CNTN4: variants seen among roughly 807,000 people sequenced by gnomAD.
CNTN4 encodes contactin-4.
A neutral mutation model predicts 122.5 loss-of-function variants in CNTN4; 77 were observed. The ratio of observed to expected loss-of-function variants is 0.63; its 90% CI spans 0.52 to 0.76. The LOEUF is 0.76. Among genes scored for constraint, CNTN4 ranks in the 30% least tolerant of loss-of-function variants. The pLI is 0.00. For missense variants in CNTN4, 1,256 were observed against 1,259.1 expected (o/e 1.00, Z 0.04); for synonymous variants, 512 against 447.0 (o/e 1.15, Z -1.83).
chr3:2,752,054 A>G (rs963881476), intron 6 of CNTN4, among the ~76,000 whole-genome samples: 1 of 152,164 alleles, frequency 6.6e-6, no homozygotes, highest in African/African-American at 2.4e-5. Context: ...ATCATTTCCA[A>G]CATAGGAAAG....
chr3:2,243,751 C>T (rs531697090), intron 2 of CNTN4, among the ~76,000 whole-genome samples: 1 of 152,122 alleles, frequency 6.6e-6, no homozygotes, highest in African/African-American at 2.4e-5. Flanking sequence ...TTTCTACATG[C>T]ATTATCCTTG....
intron 6 of CNTN4, among the ~76,000 whole-genome samples, chr3:2,790,775 C>G (rs534465508): frequency 1.3e-5 from 2 of 152,172 alleles, no homozygotes; most frequent in African/African-American, 4.8e-5. Context: ...CCATTCATAA[C>G]TTGTGCATTT....
At position 3,043,082 on chromosome 3, in the gene CNTN4, T is replaced by C; in HGVS notation, c.2617T>C (p.Tyr873His). ...KITNLKGSVL[Y>H]HLAVKAYNSA... The stretch of plus-strand genomic sequence containing the variant: ...CACGAACTTAAAAGGCAGTGTGCTG[T>C]ATCACTTAGCTGTCAAGGCATATAA... The change falls in exon 22 of 25, where the codon TAT becomes CAT. Residue 873 changes from tyrosine to histidine, a missense_variant. By Grantham distance (83) the Tyr-to-His change is moderately conservative (BLOSUM62 2). Transcript: ENST00000418658. The C allele has an allele frequency of 6.2e-7, 1 of 1,614,216 alleles. No homozygotes were observed. The highest frequency in any genetic ancestry group is 8.5e-7 in the Non-Finnish European group (1 of 1,180,024).
chr3:3,057,072 T>C lies in CNTN4; in HGVS notation c.*852T>C, dbSNP rs1029671542. 2 of 152,492 alleles carry C rather than the reference T, an allele frequency of 1.3e-5. No individual in the cohort carries two copies. Among genetic ancestry groups the C allele is most frequent in the African/African-American group, 4.8e-5 (2 of 41,448 alleles). The allele number at this position is 152,492 out of a possible 1,614,324, so 9.4% of individuals were successfully genotyped here. A position where few individuals can be genotyped will look rare whatever the true frequency, so the allele number is the denominator to read the frequency against. On this transcript the variant is annotated 3_prime_UTR_variant, in exon 25 of 25. Coordinates refer to ENST00000418658, the MANE Select transcript of CNTN4 (RefSeq NM_175607.3). ...TAGTAACATAGACCCAAAGTTACTATAGTCAACCAAGTCTTTCAAAGGATA... is the reference window on the plus strand; with the variant it reads ...TAGTAACATAGACCCAAAGTTACTACAGTCAACCAAGTCTTTCAAAGGATA...
chr3:2,466,021 T>C (rs1256296373), intron 3 of CNTN4, among the ~76,000 whole-genome samples: 1 of 152,202 alleles, frequency 6.6e-6, no homozygotes, highest in African/African-American at 2.4e-5. Context: ...TGTAACTGGC[T>C]GTCTGTCAAA....
chr3:2,316,061 G>A (rs2043087284), intron 2 of CNTN4, among the ~76,000 whole-genome samples: 1 of 151,896 alleles, frequency 6.6e-6, no homozygotes, highest in Admixed American at 6.6e-5. Flanking sequence ...CCTCCCAAAT[G>A]TCTCATCCTT....
At chr3:2,759,426 G>A (rs554349946) in intron 6 of CNTN4, among the ~76,000 whole-genome samples, 4 of 152,276 alleles carry the variant, frequency 2.6e-5, no homozygotes, top group Admixed American at 1.3e-4. Context: ...GGATTACAGC[G>A]TGAGCCACCA....
At chr3:3,042,479 C>A in intron 21 of CNTN4, 57 bp downstream of exon 21, 1 of 1,116,978 alleles carries the variant, frequency 9.0e-7, no homozygotes, top group Non-Finnish European at 1.4e-6. Context: ...CTTGATAAGT[C>A]CTCCAAGTCA....
chr3:2,899,729 T>G (rs1440020467), intron 10 of CNTN4, among the ~76,000 whole-genome samples: 1 of 152,196 alleles, frequency 6.6e-6, no homozygotes, highest in Non-Finnish European at 1.5e-5. Flanking sequence ...TAAGTGCTAC[T>G]TTGAATTCTT....
chr3:2,711,476 C>G (rs2149340409), intron 4 of CNTN4, among the ~76,000 whole-genome samples: 1 of 152,226 alleles, frequency 6.6e-6, no homozygotes, highest in South Asian at 2.1e-4. Context: ...TTGCATAAGA[C>G]TTTAGATATG....
intron 2 of CNTN4, among the ~76,000 whole-genome samples, chr3:2,158,143 G>C (rs2035801035): frequency 6.6e-6 from 1 of 152,134 alleles, no homozygotes; most frequent in Admixed American, 6.5e-5. Context: ...TTTAAACCCT[G>C]GTAATTAGGA....
intron 4 of CNTN4, among the ~76,000 whole-genome samples, chr3:2,613,790 A>G (rs2081598089): frequency 6.6e-6 from 1 of 152,074 alleles, no homozygotes; most frequent in South Asian, 2.1e-4. Context: ...ATTGGGTGCT[A>G]TAAAAGTCTG....
chr3:2,252,941 T>G (rs1177746530), intron 2 of CNTN4, among the ~76,000 whole-genome samples: 1 of 152,108 alleles, frequency 6.6e-6, no homozygotes, highest in African/African-American at 2.4e-5. Context: ...ATTTTTAATT[T>G]TTTTGTCTTT....
chr3:2,113,569 G>T (rs1290711453), intron 2 of CNTN4, among the ~76,000 whole-genome samples: 1 of 152,090 alleles, frequency 6.6e-6, no homozygotes, highest in Non-Finnish European at 1.5e-5. Flanking sequence ...TCCCTGCTAC[G>T]AAGCCTAAAT....
intron 3 of CNTN4, among the ~76,000 whole-genome samples, chr3:2,473,982 C>G (rs2075767830): frequency 6.6e-6 from 1 of 151,740 alleles, no homozygotes; most frequent in Admixed American, 6.6e-5. Flanking sequence ...CCACTGCACT[C>G]CAGCCTGGGC....
chr3:2,206,132 T>C (rs2038332090), intron 2 of CNTN4, among the ~76,000 whole-genome samples: 2 of 152,072 alleles, frequency 1.3e-5, no homozygotes, highest in African/African-American at 2.4e-5. Flanking sequence ...TTCTATTTCT[T>C]ACCAAGTAAA....
chr3:3,012,164 C>T (rs908689733), intron 14 of CNTN4, among the ~76,000 whole-genome samples: 3 of 152,140 alleles, frequency 2.0e-5, no homozygotes, highest in Non-Finnish European at 4.4e-5. Context: ...TCTGTACACC[C>T]TCACCACAAG....
intron 3 of CNTN4, among the ~76,000 whole-genome samples, chr3:2,539,777 A>G (rs2077957817): frequency 6.6e-6 from 1 of 152,154 alleles, no homozygotes; most frequent in South Asian, 2.1e-4. Flanking sequence ...TACTTCAAAG[A>G]CAATATAGAA....
At chr3:2,292,015 C>T (rs566466898) in intron 2 of CNTN4, among the ~76,000 whole-genome samples, 4 of 152,232 alleles carry the variant, frequency 2.6e-5, no homozygotes, top group South Asian at 4.1e-4. Flanking sequence ...GGATTACAGG[C>T]GTGAGCCACC....
Sources: gnomAD v4.1 joint callset for allele counts (sites outside exome capture counted in the v4.1 genomes callset) on GRCh38, gnomAD v4.1.1 for gene constraint, MANE v1.5 for transcripts, NCBI Gene and HGNC (gene_info 2026-07-23, HGNC 2026-07-21) for gene names.